EAPP: variants seen among roughly 807,000 people sequenced by gnomAD.
EAPP encodes the protein E2F-associated phosphoprotein.
Under a neutral mutation model 34.3 loss-of-function variants are expected in EAPP, and 38 were observed. The ratio of observed to expected loss-of-function variants is 1.11; its 90% confidence interval spans 0.85 to 1.45. The LOEUF (loss-of-function observed/expected upper bound fraction) is 1.45, where lower values mean the gene tolerates loss of function less well. Ranked by LOEUF, EAPP falls within the 40% of genes most tolerant of loss-of-function variation. EAPP has a pLI of 0.00. For synonymous variants in EAPP, 113 were observed against 117.6 expected, an observed-to-expected ratio of 0.96 and a Z score of 0.25; for missense variants, 338 against 343.7, an observed-to-expected ratio of 0.98 and a Z score of 0.13.
rs768655782 is a variant in EAPP, at chr14:34,536,185, T to C, written c.165A>G (p.Ser55=). ...IRECLTGESE[S]SSEDEFEKEM... ...CCTTTTCAAATTCATCTTCACTAGA[T>C]GATTCACTTTCTCCGGTAAGACATT... is the stretch of plus-strand genomic sequence containing the variant. Residue 55 remains serine, a synonymous_variant, in exon 2 of 6, where the codon TCA becomes TCG. Coordinates refer to ENST00000250454, the MANE Select transcript of EAPP (RefSeq NM_018453.4). 4 of 1,613,288 alleles carry C rather than the reference T, an allele frequency of 2.5e-6. No homozygotes were observed. In the South Asian group the frequency reaches 3.3e-5, roughly 13 times the overall value.
intron 5 of EAPP, among the ~76,000 whole-genome samples, chr14:34,521,076 T>A (rs979322562): frequency 3.3e-5 from 5 of 152,046 alleles, no homozygotes; most frequent in African/African-American, 1.2e-4. Context: ...TTATTATAAT[T>A]ATTATTTTTG....
rs771778375 is a variant in EAPP, at chr14:34,516,297, C to A, written c.*13G>T. On this transcript the variant is annotated 3_prime_UTR_variant, in exon 6 of 6. Coordinates refer to ENST00000250454, the MANE Select transcript of EAPP (RefSeq NM_018453.4). ...ATATACAGTATTGGGTAATTAAATG[C>A]CAGTTGGGCTGTTTAGGAATGGCTT... 1.3e-5 allele frequency: 21 copies of A among 1,598,602 alleles called. No homozygotes were observed. In the East Asian group the frequency reaches 2.9e-4, roughly 22 times the overall value.
chr14:34,528,080 C>T (rs1328398283), intron 4 of EAPP, among the ~76,000 whole-genome samples: 1 of 139,306 alleles, frequency 7.2e-6, no homozygotes, highest in Non-Finnish European at 1.5e-5. Flanking sequence ...CTCATTCAGT[C>T]GACCAGGCTG....
At chr14:34,538,817 T>C (rs577480062) in intron 1 of EAPP, among the ~76,000 whole-genome samples, 1 of 152,326 alleles carries the variant, frequency 6.6e-6, no homozygotes, top group African/African-American at 2.4e-5. Flanking sequence ...AAGAAATAAC[T>C]AAATTTGTGT....
intron 5 of EAPP, among the ~76,000 whole-genome samples, chr14:34,519,047 C>T (rs1344211138): frequency 6.6e-6 from 1 of 152,114 alleles, no homozygotes; most frequent in Non-Finnish European, 1.5e-5. Flanking sequence ...AAATTGTAAT[C>T]TCCAATGTTG....
chr14:34,523,531 T>G (rs1879991412), intron 5 of EAPP, among the ~76,000 whole-genome samples: 1 of 148,950 alleles, frequency 6.7e-6, no homozygotes, highest in Admixed American at 6.7e-5. Context: ...AGCCCGTTTT[T>G]TTTTTTTTTT....
At chr14:34,526,623 C>T (rs974091417) in intron 4 of EAPP, among the ~76,000 whole-genome samples, 1 of 151,664 alleles carries the variant, frequency 6.6e-6, no homozygotes, top group African/African-American at 2.4e-5. Flanking sequence ...TGGTGGCTCA[C>T]ACCTTTAATC....
chr14:34,531,328 C>A (rs931002009), intron 3 of EAPP, among the ~76,000 whole-genome samples: 3 of 143,858 alleles, frequency 2.1e-5, no homozygotes, highest in Admixed American at 1.4e-4. Context: ...CAAGGCTGGG[C>A]GCGGTGGCTC....
intron 5 of EAPP, among the ~76,000 whole-genome samples, chr14:34,517,085 C>T (rs1879759787): frequency 6.6e-6 from 1 of 150,590 alleles, no homozygotes; most frequent in Non-Finnish European, 1.5e-5. Flanking sequence ...CTACAGGCGC[C>T]CGCCACCATG....
chr14:34,523,501 A>G (rs966719682), intron 5 of EAPP, among the ~76,000 whole-genome samples: 2 of 148,614 alleles, frequency 1.3e-5, no homozygotes, highest in African/African-American at 5.0e-5. Flanking sequence ...CTGGGATTAC[A>G]GGCGTGAGCC....
chr14:34,530,360 C>T (rs997723323), intron 3 of EAPP, among the ~76,000 whole-genome samples: 1 of 151,880 alleles, frequency 6.6e-6, no homozygotes, highest in Non-Finnish European at 1.5e-5. Flanking sequence ...TAATGAGACC[C>T]CATCTCTACA....
rs562029877 is a variant in EAPP at position 34,529,862 on chromosome 14, A to G, written c.353-387T>C. On this transcript the variant is annotated intron_variant, in intron 3 of 5. Coordinates refer to ENST00000250454, the MANE Select transcript of EAPP (RefSeq NM_018453.4). Reference sequence around the variant, plus strand: ...GAAACCGCCTCTCTACTAAAAATATAAAAATTAGCTGGGCATGGTAGTAGG... The same window carrying G: ...GAAACCGCCTCTCTACTAAAAATATGAAAATTAGCTGGGCATGGTAGTAGG... Among the ~76,000 whole-genome samples the G allele has an allele frequency of 5.9e-5, 9 of 152,236 alleles. No homozygotes were observed. The South Asian group carries it at 1.2e-3, about 21-fold the overall frequency.
chr14:34,529,814 G>A (rs1880221683), intron 3 of EAPP, among the ~76,000 whole-genome samples: 2 of 152,146 alleles, frequency 1.3e-5, no homozygotes, highest in South Asian at 2.1e-4. Flanking sequence ...TCAGGAGTTC[G>A]AGACCAGCCT....
intron 5 of EAPP, among the ~76,000 whole-genome samples, chr14:34,519,519 G>T (rs981862613): frequency 1.3e-5 from 2 of 149,124 alleles, no homozygotes; most frequent in African/African-American, 5.0e-5. Context: ...TGGGTGACAA[G>T]CAAGACTCCC....
intron 4 of EAPP, among the ~76,000 whole-genome samples, chr14:34,529,000 G>A (rs1421886722): frequency 6.6e-6 from 1 of 151,942 alleles, no homozygotes; most frequent in Non-Finnish European, 1.5e-5. Context: ...GCTGTGTGTG[G>A]TGGCAGGCGC....
Position 34,524,716 on chromosome 14 carries a change from G to C in EAPP, c.562C>G (p.Leu188Val). 6.2e-7 allele frequency: 1 copy of C among 1,605,084 alleles called. No individual in the cohort carries two copies. Among genetic ancestry groups the C allele is most frequent in the Non-Finnish European group, 8.5e-7 (1 of 1,174,874 alleles). The change falls in exon 5 of 6, where the codon CTT becomes GTT. Residue 188 changes from leucine to valine, a missense_variant. By Grantham distance (32) the Leu-to-Val change is conservative. Transcript: ENST00000250454. The stretch of plus-strand genomic sequence containing the variant: ...CATTACCTTTGGCAATCAAGGCAAA[G>C]TGTGGTCATGCAGGCAGGACAATTC... ...VLNCPACMTT[L>V]CLDCQRHESY...
chr14:34,520,076 G>A (rs1323775825), intron 5 of EAPP, among the ~76,000 whole-genome samples: 4 of 151,658 alleles, frequency 2.6e-5, no homozygotes, highest in Non-Finnish European at 5.9e-5. Flanking sequence ...TAGTAGAGAT[G>A]GGGTTTCACC....
intron 3 of EAPP, among the ~76,000 whole-genome samples, chr14:34,533,081 C>A (rs1222029015): frequency 6.6e-6 from 1 of 152,150 alleles, no homozygotes; most frequent in Non-Finnish European, 1.5e-5. Flanking sequence ...GTCGCCCAGG[C>A]TGGAGTGCAA....
At chr14:34,521,426 C>T (rs1054851763) in intron 5 of EAPP, among the ~76,000 whole-genome samples, 18 of 152,108 alleles carry the variant, frequency 1.2e-4, no homozygotes, top group African/African-American at 3.9e-4. Flanking sequence ...TCTACTCCCT[C>T]CTGAGTACCA....
Sources: allele counts gnomAD v4.1 joint callset (sites outside exome capture counted in the v4.1 genomes callset), GRCh38; gene constraint gnomAD v4.1.1; transcripts MANE v1.5; gene names NCBI Gene and HGNC (gene_info 2026-07-23, HGNC 2026-07-21).